NEK11: variants seen among roughly 807,000 people sequenced by gnomAD.
NEK11 encodes the protein serine/threonine-protein kinase Nek11.
In NEK11, 72 loss-of-function variants were observed where a neutral mutation model predicts 80.7. That is an observed-to-expected ratio of 0.89 (90% CI 0.74 to 1.08). The LOEUF is 1.08. Among genes scored for constraint, NEK11 ranks in the 50% least tolerant of loss-of-function variants. NEK11 has a pLI of 0.00. For missense variants in NEK11, 764 were observed against 763.6 expected (o/e 1.00, Z -0.01); for synonymous variants, 251 against 260.7 (o/e 0.96, Z 0.36).
chr3:131,076,906 G>T (rs190631647), intron 3 of NEK11, among the ~76,000 whole-genome samples: 2 of 152,304 alleles, frequency 1.3e-5, no homozygotes, highest in Admixed American at 1.3e-4. Context: ...CCTTTTACCT[G>T]AAGCAGTGTA....
At chr3:131,158,473 A>C (rs1026379190) in intron 10 of NEK11, among the ~76,000 whole-genome samples, 1 of 152,222 alleles carries the variant, frequency 6.6e-6, no homozygotes, top group Non-Finnish European at 1.5e-5. Flanking sequence ...CCCTGGCCCT[A>C]CCAGCACCCT....
At chr3:131,115,956 T>TTCTTTCTTTC (rs2081085361) in intron 5 of NEK11, among the ~76,000 whole-genome samples, 19 of 143,784 alleles carry the variant, frequency 1.3e-4, no homozygotes, top group South Asian at 7.0e-4. Context: ...CTTTCTTTCT[T>TTCTTTCTTTC]TCTTTCTTTC....
chr3:131,203,384 A>G (rs1380668633), intron 14 of NEK11, among the ~76,000 whole-genome samples: 1 of 142,922 alleles, frequency 7.0e-6, no homozygotes, highest in Non-Finnish European at 1.5e-5. Flanking sequence ...AACAATGAGA[A>G]CACATGGACA....
At chr3:131,028,552 TTTTTTGTTTTTG>T (rs140998369) in intron 2 of NEK11, among the ~76,000 whole-genome samples, 1,696 of 150,006 alleles carry the variant, frequency 0.011, 25 homozygotes, top group East Asian at 0.076. Context: ...TGCCTTTCTT[TTTTTTGTTTTTG>T]TTTTTGTTTT....
chr3:131,178,955 T>C (rs563543167), intron 14 of NEK11, among the ~76,000 whole-genome samples: 2 of 152,344 alleles, frequency 1.3e-5, no homozygotes, highest in South Asian at 4.1e-4. Flanking sequence ...TTAAGATTGT[T>C]ATGGCTTGAA....
chr3:131,325,128 A>G (rs958628586), intron 17 of NEK11: 1 of 152,214 alleles, frequency 6.6e-6, no homozygotes, highest in Admixed American at 6.5e-5. Context: ...TATTAATAAA[A>G]GCATGTGTGT....
intron 4 of NEK11, 34 bp from the exon 5 acceptor site, chr3:131,109,769 G>A: frequency 6.5e-7 from 1 of 1,550,076 alleles, no homozygotes; most frequent in Non-Finnish European, 8.6e-7. Context: ...CATATTAGCT[G>A]AAAAAATATG....
intron 17 of NEK11, among the ~76,000 whole-genome samples, chr3:131,326,808 C>T (rs1339141309): frequency 6.6e-6 from 1 of 152,128 alleles, no homozygotes; most frequent in East Asian, 1.9e-4. Flanking sequence ...TGAATGTGAC[C>T]CCTTCAAAAT....
chr3:131,165,658 G>T, intron 12 of NEK11, 139 bp downstream of exon 12: 1 of 617,244 alleles, frequency 1.6e-6, no homozygotes. Flanking sequence ...AAGGATTCTA[G>T]AATGTAGGTC....
chr3:131,288,044 A>G (rs2096494719), intron 17 of NEK11, among the ~76,000 whole-genome samples: 2 of 152,130 alleles, frequency 1.3e-5, no homozygotes, highest in African/African-American at 4.8e-5. Flanking sequence ...GACCACCACC[A>G]ATTTCTCCCC....
At chr3:131,188,930 G>A (rs781182788) in intron 14 of NEK11, among the ~76,000 whole-genome samples, 4 of 152,126 alleles carry the variant, frequency 2.6e-5, no homozygotes, top group Non-Finnish European at 5.9e-5. Flanking sequence ...ATAAAATTAA[G>A]GTAAGGATCT....
rs572412766 is a variant in NEK11, at chr3:131,150,536, G to A, written c.648-1852G>A. Reference sequence around the variant, plus strand: ...CATCTTAATCTTAGTAGTGTTTCTTGCCATTTTGGTGTTTGTATGGTTTTT... The same window carrying A: ...CATCTTAATCTTAGTAGTGTTTCTTACCATTTTGGTGTTTGTATGGTTTTT... On this transcript the variant is annotated intron_variant, in intron 7 of 17. Transcript: ENST00000383366. 2.6e-5 allele frequency among the ~76,000 whole-genome samples: 4 copies of A among 151,852 alleles called. No individual in the cohort carries two copies. In the East Asian group the frequency reaches 5.8e-4, roughly 22 times the overall value.
At chr3:131,068,289 G>A (rs2072448616) in intron 3 of NEK11, among the ~76,000 whole-genome samples, 1 of 152,170 alleles carries the variant, frequency 6.6e-6, no homozygotes, top group Admixed American at 6.5e-5. Context: ...TGAGACCTGA[G>A]AAATGTAGGC....
At chr3:131,119,755 G>C (rs548084309) in intron 5 of NEK11, among the ~76,000 whole-genome samples, 61 of 152,028 alleles carry the variant, frequency 4.0e-4, no homozygotes, top group Non-Finnish European at 5.9e-4. Context: ...GATCTTTGTT[G>C]GTTTAAATTC....
chr3:131,217,052 G>A (rs984632606), intron 14 of NEK11, among the ~76,000 whole-genome samples: 2 of 152,120 alleles, frequency 1.3e-5, no homozygotes, highest in Non-Finnish European at 2.9e-5. Flanking sequence ...GAGCTCCAAT[G>A]AGCAATCTTA....
chr3:131,322,821 C>A (rs1293185455), intron 17 of NEK11, among the ~76,000 whole-genome samples: 1 of 152,146 alleles, frequency 6.6e-6, no homozygotes, highest in Non-Finnish European at 1.5e-5. Flanking sequence ...ATGAAGAGGC[C>A]CCCGCTCCCC....
chr3:131,132,735 C>G lies in NEK11; in HGVS notation c.456-10C>G, dbSNP rs769351449. The G allele has an allele frequency of 6.8e-7, 1 of 1,463,894 alleles. No individual in the cohort carries two copies. Among genetic ancestry groups the G allele is most frequent in the East Asian group, 2.3e-5 (1 of 43,240 alleles). The allele number at this position is 1,463,894 out of a possible 1,614,324, so 90.7% of individuals were successfully genotyped here. A position where few individuals can be genotyped will look rare whatever the true frequency, so the allele number is the denominator to read the frequency against. On this transcript the variant is annotated splice_polypyrimidine_tract_variant and intron_variant, in intron 5 of 17. Coordinates refer to ENST00000383366, the MANE Select transcript of NEK11 (RefSeq NM_024800.5). ...TGCATGAAGTTGTATATCTTTTTTG[C>G]CTTTTGTAGGAGGATACTTCATCGA...
intron 5 of NEK11, among the ~76,000 whole-genome samples, chr3:131,123,176 T>G (rs1037171463): frequency 2.6e-5 from 4 of 152,190 alleles, no homozygotes; most frequent in Non-Finnish European, 4.4e-5. Context: ...ACGATTTTTT[T>G]TTTCTCCTGA....
intron 7 of NEK11, among the ~76,000 whole-genome samples, chr3:131,143,691 G>A (rs961073841): frequency 1.3e-5 from 2 of 151,954 alleles, no homozygotes; most frequent in African/African-American, 4.8e-5. Flanking sequence ...AGATAAGGTA[G>A]GTCATTCATA....
Sources: gnomAD v4.1 joint callset for allele counts (sites outside exome capture counted in the v4.1 genomes callset) on GRCh38, gnomAD v4.1.1 for gene constraint, MANE v1.5 for transcripts, NCBI Gene and HGNC (gene_info 2026-07-23, HGNC 2026-07-21) for gene names.